The following RFX6 variants were observed in gnomAD, a reference collection of about 807,000 sequenced individuals.
RFX6 encodes the protein DNA-binding protein RFX6.
A neutral mutation model predicts 110.8 loss-of-function variants in RFX6; 50 were observed. That is an observed-to-expected ratio of 0.45 (90% CI 0.36 to 0.57). The LOEUF (loss-of-function observed/expected upper bound fraction) is 0.57. Among genes scored for constraint, RFX6 ranks in the 20% least tolerant of loss-of-function variants. The probability of loss-of-function intolerance (pLI) is 0.00; values close to 1 mark genes in which losing one functional copy is unlikely to be tolerated. For missense variants in RFX6, 990 were observed against 1,127.0 expected (o/e 0.88, Z 1.74); for synonymous variants, 383 against 411.2 (o/e 0.93, Z 0.83).
chr6:116,881,481 T>C (rs1195343839), intron 3 of RFX6, among the ~76,000 whole-genome samples: 2 of 152,042 alleles, frequency 1.3e-5, no homozygotes, highest in Admixed American at 1.3e-4. Context: ...ATAATGTTAT[T>C]TATTTCAAAA....
intron 4 of RFX6, among the ~76,000 whole-genome samples, chr6:116,882,829 A>T (rs995046730): frequency 1.3e-5 from 2 of 152,124 alleles, no homozygotes; most frequent in African/African-American, 4.8e-5. Context: ...TTTCTGAGAC[A>T]ATAATTTCTT....
At chr6:116,904,289 T>C (rs1014181657) in intron 6 of RFX6, among the ~76,000 whole-genome samples, 1 of 152,100 alleles carries the variant, frequency 6.6e-6, no homozygotes, top group African/African-American at 2.4e-5. Flanking sequence ...AAGTTATGTG[T>C]TGTAAATAAC....
rs536733384 is a variant in RFX6, at chr6:116,877,851, C to G, written c.279C>G (p.His93Gln). ...CTGAAGAAGAGGACGCCGACAACCA[C>G]GACAGCAAAACCAAAGCAGCGGATC... ...FSSEEEDADN[H>Q]DSKTKAADQY... The change falls in exon 2 of 19, where the codon CAC becomes CAG. Residue 93 changes from histidine to glutamine, a missense_variant. By Grantham distance (24) the His-to-Gln change is conservative. Transcript: ENST00000332958. The G allele has an allele frequency of 9.9e-6, 16 of 1,614,086 alleles. No individual in the cohort carries two copies. The African/African-American group carries it at 2.0e-4, about 20-fold the overall frequency.
chr6:116,928,672 C>T (rs986508573), intron 17 of RFX6, 87 bp from the exon 18 acceptor site: 15 of 848,118 alleles, frequency 1.8e-5, no homozygotes, highest in Admixed American at 3.5e-5. Flanking sequence ...ATCTTTAGGA[C>T]GTCACCTCAT....
At chr6:116,882,570 A>T in intron 4 of RFX6, 142 bp downstream of exon 4, 4 of 91,830 alleles carry the variant, frequency 4.4e-5, no homozygotes, top group Admixed American at 1.5e-4. Context: ...GTGAGAACTG[A>T]AAAAAAAAAA....
intron 7 of RFX6, among the ~76,000 whole-genome samples, chr6:116,913,254 AT>A (rs1184985584): frequency 6.6e-6 from 1 of 151,808 alleles, no homozygotes; most frequent in Admixed American, 6.6e-5. Context: ...TAGAGACGGG[AT>A]TTCCCTATGC....
intron 9 of RFX6, 129 bp from the exon 10 acceptor site, chr6:116,917,908 T>A: frequency 1.5e-6 from 1 of 670,928 alleles, no homozygotes; most frequent in Non-Finnish European, 2.7e-6. Context: ...GATAAAATTA[T>A]AACTTTGAGA....
intron 4 of RFX6, among the ~76,000 whole-genome samples, chr6:116,883,709 G>T (rs1163909870): frequency 6.6e-6 from 1 of 152,034 alleles, no homozygotes; most frequent in Non-Finnish European, 1.5e-5. Flanking sequence ...ATGGCCAGTG[G>T]CTTTATTGCT....
In RFX6 at chr6:116,911,172, T is replaced by C. The variant is rs1342288833; in HGVS notation, c.780+130T>C. ...TAATCAAACATAATTGACTGATTTA[T>C]AGGAGAGGCAAACTTTTGTTAACAT... On this transcript the variant is annotated intron_variant, in intron 7 of 18. Coordinates refer to ENST00000332958, the MANE Select transcript of RFX6 (RefSeq NM_173560.4). 8.8e-6 allele frequency: 6 copies of C among 678,012 alleles called. No homozygotes were observed. In the South Asian group the frequency reaches 1.0e-4, roughly 12 times the overall value. 42.0% of individuals were successfully genotyped at this position (678,012 alleles called of 1,614,324 possible).
intron 6 of RFX6, among the ~76,000 whole-genome samples, chr6:116,901,999 G>A (rs150915799): frequency 6.3e-4 from 96 of 152,168 alleles, no homozygotes; most frequent in African/African-American, 2.2e-3. Flanking sequence ...GTGCTATACT[G>A]CTTTGGGTAT....
At chr6:116,918,711 C>T (rs1402362997) in intron 10 of RFX6, among the ~76,000 whole-genome samples, 2 of 151,802 alleles carry the variant, frequency 1.3e-5, no homozygotes, top group Admixed American at 6.6e-5. Flanking sequence ...GTTGGTGCTC[C>T]AAAAATAGAT....
At chr6:116,925,764 A>C in intron 16 of RFX6, 105 bp downstream of exon 16, 1 of 769,702 alleles carries the variant, frequency 1.3e-6, no homozygotes. Flanking sequence ...CAACAATAAA[A>C]AAGGATGATC....
intron 9 of RFX6, among the ~76,000 whole-genome samples, chr6:116,917,764 C>A (rs1297084634): frequency 1.3e-4 from 20 of 152,060 alleles, no homozygotes; most frequent in Admixed American, 1.3e-3. Flanking sequence ...AGCTTTTCAT[C>A]ATAAAACGGT....
In RFX6 at chr6:116,920,343, G is replaced by A. The variant is rs144460291; in HGVS notation, c.1216G>A (p.Val406Ile). Residue 406 changes from valine to isoleucine, a missense_variant, in exon 12 of 19, where the codon GTT becomes ATT. This residue lies in a region of RFX6 where 243 missense variants were observed against 353.1 expected (regional missense o/e 0.69). Transcript: ENST00000332958. ...ACCAGCTCTCTTTGACCAGCATGTC[G>A]TTAATTCTATGGTGTCTGATATTGA... Reference protein sequence around the residue: ...ARPALFDQHVVNSMVSDIERV... With the variant: ...ARPALFDQHVINSMVSDIERV... 30 of 1,612,224 alleles carry A rather than the reference G, an allele frequency of 1.9e-5. No homozygotes were observed. The highest frequency in any genetic ancestry group is 2.3e-5 in the Non-Finnish European group (27 of 1,178,330).
At position 116,931,712 on chromosome 6, in the gene RFX6, A is replaced by G; in HGVS notation, c.*206A>G. 1 of 494,786 alleles carries G rather than the reference A, an allele frequency of 2.0e-6. No individual in the cohort carries two copies. Among genetic ancestry groups the G allele is most frequent in the East Asian group, 3.2e-5 (1 of 31,492 alleles). The allele number at this position is 494,786 out of a possible 1,614,324, so 30.6% of individuals were successfully genotyped here. On this transcript the variant is annotated 3_prime_UTR_variant, in exon 19 of 19. Transcript: ENST00000332958. The stretch of plus-strand genomic sequence containing the variant: ...ATGCACACTAAGAGTTTAAAATGTG[A>G]GCTCATTATTAATCATAGTTTCAAA...
At chr6:116,923,794 T>A (rs564556854) in intron 14 of RFX6, among the ~76,000 whole-genome samples, 2 of 152,314 alleles carry the variant, frequency 1.3e-5, no homozygotes, top group Non-Finnish European at 2.9e-5. Flanking sequence ...AGGGTTAAGT[T>A]AGCTTTTTAT....
chr6:116,908,330 A>C (rs978129493), intron 6 of RFX6, among the ~76,000 whole-genome samples: 13 of 152,108 alleles, frequency 8.5e-5, no homozygotes, highest in African/African-American at 3.1e-4. Flanking sequence ...TTGACTTTTA[A>C]ATTGATCTTG....
chr6:116,923,436 G>A (rs905687310), intron 14 of RFX6: 3 of 559,852 alleles, frequency 5.4e-6, no homozygotes, highest in East Asian at 3.1e-5. Context: ...CTGGCTATGG[G>A]CCAATCTGCT....
intron 7 of RFX6, among the ~76,000 whole-genome samples, chr6:116,912,330 A>G (rs1450890151): frequency 1.3e-5 from 2 of 151,508 alleles, no homozygotes; most frequent in Non-Finnish European, 2.9e-5. Context: ...CTCTAAATCT[A>G]AAATACAAGT....
Sources: allele counts gnomAD v4.1 joint callset (sites outside exome capture counted in the v4.1 genomes callset), GRCh38; gene constraint gnomAD v4.1.1; regional missense constraint gnomAD v4.1.1; transcripts MANE v1.5; gene names NCBI Gene and HGNC (gene_info 2026-07-23, HGNC 2026-07-21).